The following FNIP1 variants were observed in gnomAD, a reference collection of about 807,000 sequenced individuals.
FNIP1 encodes folliculin interacting protein 1, also known as folliculin-interacting protein 1.
FNIP1 carries 40 observed loss-of-function variants against 124.5 expected under a neutral mutation model. The observed-to-expected ratio is 0.32, with a 90% CI of 0.25 to 0.42. FNIP1 has a LOEUF of 0.42. Among genes scored for constraint, FNIP1 ranks in the 10% least tolerant of loss-of-function variants. The pLI, the probability that FNIP1 is intolerant of heterozygous loss-of-function variation, is 1.00. For synonymous variants in FNIP1, 472 were observed against 470.6 expected, an observed-to-expected ratio of 1.00 and a Z score of -0.04; for missense variants, 1,176 against 1,403.7, an observed-to-expected ratio of 0.84 and a Z score of 2.59.
In FNIP1 at chr5:131,716,634, T is replaced by C. The variant is rs1769474893; in HGVS notation, c.553A>G (p.Ile185Val). The C allele has an allele frequency of 6.2e-7, 1 of 1,602,498 alleles. No individual in the cohort carries two copies. The highest frequency in any genetic ancestry group is 1.3e-5 in the African/African-American group (1 of 74,500). Residue 185 changes from isoleucine to valine, a missense_variant, in exon 6 of 18, where the codon ATC becomes GTC. Ile to Val is a conservative substitution (Grantham distance 29). Coordinates refer to ENST00000510461, the MANE Select transcript of FNIP1 (RefSeq NM_133372.3). ...TTTAATGTATTGTTGTCCTGATTGA[T>C]GAATTCAAGACTATCTTGTAGCCTA... ...LNTLQDSLEFINQDNNTLKAD... is the reference protein window; with the variant it reads ...LNTLQDSLEFVNQDNNTLKAD...
rs10477738 is a variant in FNIP1, at chr5:131,781,057, C to T, written c.92+15773G>A. Among the ~76,000 whole-genome samples the T allele has an allele frequency of 2.4e-3, 358 of 152,266 alleles. 2 individuals carry two copies. Among genetic ancestry groups the T allele is most frequent in the Middle Eastern group, 6.8e-3 (2 of 294 alleles). ...AAAAAATGGTAAGAAAGTGAAACAGCCTTATTGCTGATAGGGACAAAATAT... is the reference window on the plus strand; with the variant it reads ...AAAAAATGGTAAGAAAGTGAAACAGTCTTATTGCTGATAGGGACAAAATAT... On this transcript the variant is annotated intron_variant, in intron 1 of 17. Transcript: ENST00000510461.
intron 15 of FNIP1, among the ~76,000 whole-genome samples, chr5:131,655,655 T>C (rs1767168556): frequency 6.6e-6 from 1 of 152,044 alleles, no homozygotes; most frequent in African/African-American, 2.4e-5. Context: ...GCAGGAGCAG[T>C]TCCGCTCTCC....
chr5:131,702,324 G>A (rs981347814), intron 10 of FNIP1, among the ~76,000 whole-genome samples: 1 of 152,092 alleles, frequency 6.6e-6, no homozygotes, highest in African/African-American at 2.4e-5. Context: ...CTACTAGTGT[G>A]CTCCCCCATG....
At chr5:131,771,690 C>A (rs1442690947) in intron 1 of FNIP1, among the ~76,000 whole-genome samples, 3 of 152,148 alleles carry the variant, frequency 2.0e-5, no homozygotes, top group African/African-American at 7.2e-5. Context: ...TCTCCCTCTC[C>A]ACGTCTACAG....
chr5:131,723,958 G>A (rs1052959615), intron 3 of FNIP1, among the ~76,000 whole-genome samples: 2 of 151,456 alleles, frequency 1.3e-5, no homozygotes. Context: ...AGAACATGCA[G>A]TGCTGGTTTT....
chr5:131,722,043 A>G (rs1769683884), intron 3 of FNIP1, among the ~76,000 whole-genome samples: 1 of 152,210 alleles, frequency 6.6e-6, no homozygotes, highest in South Asian at 2.1e-4. Context: ...ATTTCATTTC[A>G]CAGCCTCACT....
At chr5:131,762,225 T>C (rs1177001222) in intron 1 of FNIP1, among the ~76,000 whole-genome samples, 1 of 151,894 alleles carries the variant, frequency 6.6e-6, no homozygotes, top group Non-Finnish European at 1.5e-5. Context: ...CACAGGTAAT[T>C]AAAGTGAAAA....
At position 131,671,643 on chromosome 5, in the gene FNIP1, G is replaced by C; in HGVS notation, c.2801C>G (p.Pro934Arg). Residue 934 changes from proline (P) to arginine (R), a missense_variant, in exon 14 of 18, where the codon CCA becomes CGA. This residue lies in a region of FNIP1 where 1,109 missense variants were observed against 1,288.5 expected (regional missense o/e 0.86). Transcript: ENST00000510461. The part of the protein sequence containing the change: ...KIAVGTEWDI[P>R]RNESSDSALG... The stretch of plus-strand genomic sequence containing the variant: ...GGCACTGTCTGAACTTTCATTTCTT[G>C]GAATGTCCCATTCAGTTCCTACAGC... 6.2e-7 allele frequency: 1 copy of C among 1,613,970 alleles called. No individual in the cohort carries two copies. The highest frequency in any genetic ancestry group is 8.5e-7 in the Non-Finnish European group (1 of 1,179,996).
intron 1 of FNIP1, among the ~76,000 whole-genome samples, chr5:131,779,528 A>T (rs951051684): frequency 2.0e-5 from 3 of 151,750 alleles, no homozygotes; most frequent in African/African-American, 7.3e-5. Flanking sequence ...AAAAAAAAAA[A>T]AATACAAAAA....
intron 13 of FNIP1, among the ~76,000 whole-genome samples, chr5:131,674,768 A>G (rs1315504851): frequency 1.3e-5 from 2 of 152,230 alleles, no homozygotes; most frequent in African/African-American, 4.8e-5. Context: ...TTTCAACTTA[A>G]TTCAATTTTT....
At chr5:131,758,245 G>C (rs1771113035) in intron 1 of FNIP1, among the ~76,000 whole-genome samples, 1 of 152,136 alleles carries the variant, frequency 6.6e-6, no homozygotes, top group Admixed American at 6.6e-5. Flanking sequence ...AGAAGTGAAG[G>C]AGAAGCAAAA....
intron 15 of FNIP1, among the ~76,000 whole-genome samples, chr5:131,656,743 G>T (rs1767204782): frequency 6.6e-6 from 1 of 152,090 alleles, no homozygotes; most frequent in Admixed American, 6.6e-5. Context: ...TATTGCTGAT[G>T]AAAGAATCCT....
At chr5:131,714,521 T>A (rs1769402651) in intron 6 of FNIP1, among the ~76,000 whole-genome samples, 1 of 152,170 alleles carries the variant, frequency 6.6e-6, no homozygotes, top group African/African-American at 2.4e-5. Context: ...TGGCCTACAG[T>A]GTGTTTTGTG....
intron 1 of FNIP1, among the ~76,000 whole-genome samples, chr5:131,759,918 T>A (rs974141945): frequency 1.3e-5 from 2 of 152,148 alleles, no homozygotes; most frequent in Non-Finnish European, 1.5e-5. Flanking sequence ...TAAAAAAGAA[T>A]GAAATCATGT....
At chr5:131,780,748 T>A (rs1423289607) in intron 1 of FNIP1, among the ~76,000 whole-genome samples, 2 of 152,200 alleles carry the variant, frequency 1.3e-5, no homozygotes, top group African/African-American at 4.8e-5. Flanking sequence ...TTCTGACTGC[T>A]CCATCAACCA....
Position 131,645,501 on chromosome 5 carries a change from G to A in FNIP1, c.3423-738C>T, listed in dbSNP as rs544046119. Among the ~76,000 whole-genome samples, 3 of 152,152 alleles carry A rather than the reference G, an allele frequency of 2.0e-5. No homozygotes were observed. The East Asian group carries it at 5.8e-4, about 29-fold the overall frequency. On this transcript the variant is annotated intron_variant, in intron 17 of 17. Coordinates refer to ENST00000510461, the MANE Select transcript of FNIP1 (RefSeq NM_133372.3). ...GACTCCCTCATGGTTAGAGAAATGT[G>A]AATAAAATCAGATACCATTTTTTAG...
chr5:131,746,692 T>C (rs1406230287), intron 1 of FNIP1, among the ~76,000 whole-genome samples: 1 of 152,226 alleles, frequency 6.6e-6, no homozygotes, highest in East Asian at 1.9e-4. Context: ...GGACCCTCCC[T>C]AGGTTGATTC....
chr5:131,674,866 CAAAT>C (rs1309039076), intron 13 of FNIP1, among the ~76,000 whole-genome samples: 1 of 152,154 alleles, frequency 6.6e-6, no homozygotes, highest in African/African-American at 2.4e-5. Flanking sequence ...AAATAGGTCT[CAAAT>C]AAATATAAGC....
At chr5:131,775,578 A>G (rs911375855) in intron 1 of FNIP1, among the ~76,000 whole-genome samples, 2 of 140,960 alleles carry the variant, frequency 1.4e-5, no homozygotes, top group Non-Finnish European at 3.0e-5. Flanking sequence ...TCCAGGCTGG[A>G]GTGAAGTGGC....
Sources: allele counts gnomAD v4.1 joint callset (sites outside exome capture counted in the v4.1 genomes callset), GRCh38; gene constraint gnomAD v4.1.1; regional missense constraint gnomAD v4.1.1; transcripts MANE v1.5; gene names NCBI Gene and HGNC (gene_info 2026-07-23, HGNC 2026-07-21).